PAK2: variants seen among roughly 807,000 people sequenced by gnomAD.
The protein encoded by PAK2 is p21 (RAC1) activated kinase 2.
PAK2 carries 21 observed loss-of-function variants against 65.9 expected under a neutral mutation model. The observed-to-expected ratio is 0.32, with a 90% CI of 0.23 to 0.46. The LOEUF is 0.46. Ranked by LOEUF, PAK2 falls within the 20% of genes least tolerant of loss-of-function variation. The pLI is 1.00. For synonymous variants in PAK2, 204 were observed against 219.7 expected, an observed-to-expected ratio of 0.93 and a Z score of 0.63; for missense variants, 324 against 642.6, an observed-to-expected ratio of 0.50 and a Z score of 5.36.
chr3:196,787,408 A>G lies in PAK2; in HGVS notation c.187+4575A>G, dbSNP rs1400438028. Among the ~76,000 whole-genome samples the G allele has an allele frequency of 2.0e-5, 3 of 151,834 alleles. No individual in the cohort carries two copies. The South Asian group carries it at 6.2e-4, about 32-fold the overall frequency. On this transcript the variant is annotated intron_variant, in intron 2 of 14. Coordinates refer to ENST00000327134, the MANE Select transcript of PAK2 (RefSeq NM_002577.4). The stretch of plus-strand genomic sequence containing the variant: ...ATCCTGGCTAACAAGGTGAAACGCC[A>G]TCTCTACTAAAAATACAAAAATTAG...
chr3:196,823,707 C>G (rs1711729237), intron 13 of PAK2, among the ~76,000 whole-genome samples: 1 of 149,814 alleles, frequency 6.7e-6, no homozygotes, highest in South Asian at 2.1e-4. Flanking sequence ...ACTAAAAATA[C>G]AAAAATGAGC....
At chr3:196,753,948 C>T (rs1200447584) in intron 1 of PAK2, among the ~76,000 whole-genome samples, 3 of 151,978 alleles carry the variant, frequency 2.0e-5, no homozygotes, top group Middle Eastern at 3.2e-3. Context: ...TGTTTCCTTC[C>T]TTGAAAACAC....
intron 10 of PAK2, among the ~76,000 whole-genome samples, chr3:196,814,048 C>T (rs760258115): frequency 3.9e-5 from 6 of 152,142 alleles, no homozygotes; most frequent in Admixed American, 1.3e-4. Flanking sequence ...AAGCCAGGGG[C>T]TTCGGAATCG....
chr3:196,752,801 G>A (rs1009118457), intron 1 of PAK2, among the ~76,000 whole-genome samples: 3 of 149,444 alleles, frequency 2.0e-5, no homozygotes, highest in Non-Finnish European at 4.5e-5. Context: ...GGGTTTTGTC[G>A]TGTTGGTCTC....
At chr3:196,743,668 T>G (rs544544812) in intron 1 of PAK2, among the ~76,000 whole-genome samples, 165 of 152,150 alleles carry the variant, frequency 1.1e-3, no homozygotes, top group African/African-American at 3.5e-3. Context: ...GCCAACATGG[T>G]GAAACCTATA....
intron 2 of PAK2, among the ~76,000 whole-genome samples, chr3:196,799,175 A>G (rs1228905410): frequency 6.6e-6 from 1 of 152,216 alleles, no homozygotes; most frequent in East Asian, 1.9e-4. Flanking sequence ...CAAAAATACT[A>G]GTGGAAGTAA....
chr3:196,789,606 G>A (rs1409014061), intron 2 of PAK2, among the ~76,000 whole-genome samples: 2 of 152,160 alleles, frequency 1.3e-5, no homozygotes, highest in East Asian at 3.9e-4. Flanking sequence ...GGGACTAGAG[G>A]TGCACGCCAC....
At chr3:196,811,599 G>C (rs1560114161) in intron 8 of PAK2, among the ~76,000 whole-genome samples, 1 of 151,304 alleles carries the variant, frequency 6.6e-6, no homozygotes, top group South Asian at 2.1e-4. Flanking sequence ...TTATGAAAGA[G>C]AATTGAAGAT....
At chr3:196,808,435 C>T (rs751607781) in intron 7 of PAK2, among the ~76,000 whole-genome samples, 1 of 151,474 alleles carries the variant, frequency 6.6e-6, no homozygotes, top group Non-Finnish European at 1.5e-5. Context: ...GTGGCATGTG[C>T]CTGTAGTACC....
intron 9 of PAK2, 37 bp from the exon 10 acceptor site, chr3:196,812,702 C>A: frequency 2.1e-6 from 2 of 948,944 alleles, no homozygotes; most frequent in East Asian, 2.5e-5. Context: ...AAGAGAATTC[C>A]TAAACCTGGT....
chr3:196,801,571 G>A (rs1038372840), intron 2 of PAK2, among the ~76,000 whole-genome samples: 1 of 151,932 alleles, frequency 6.6e-6, no homozygotes, highest in Admixed American at 6.6e-5. Context: ...CCGGGCATGC[G>A]GTGGCTCACA....
chr3:196,815,593 C>T (rs1417069761), intron 11 of PAK2, among the ~76,000 whole-genome samples: 7 of 151,940 alleles, frequency 4.6e-5, no homozygotes, highest in Non-Finnish European at 8.8e-5. Flanking sequence ...TTGAGACCAT[C>T]CTGACCAACA....
chr3:196,751,667 T>TATATGTATATATATATATATATA (rs1560089766), intron 1 of PAK2, among the ~76,000 whole-genome samples: 1 of 45,106 alleles, frequency 2.2e-5, no homozygotes, highest in African/African-American at 1.0e-4. Flanking sequence ...ACAAATTTAT[T>TATATGTATATATATATATATATA]TATATACATA....
chr3:196,778,303 A>T (rs1036612277), intron 1 of PAK2, among the ~76,000 whole-genome samples: 1 of 152,070 alleles, frequency 6.6e-6, no homozygotes, highest in Non-Finnish European at 1.5e-5. Context: ...GTTGATGGAT[A>T]TTTGGGTTGT....
intron 2 of PAK2, among the ~76,000 whole-genome samples, chr3:196,794,683 T>A (rs903660208): frequency 6.6e-6 from 1 of 152,160 alleles, no homozygotes; most frequent in Admixed American, 6.5e-5. Flanking sequence ...TTCCCAGCCT[T>A]GGAAACCCTG....
intron 3 of PAK2, 63 bp downstream of exon 3, chr3:196,802,090 A>G (rs1715438147): frequency 7.9e-6 from 7 of 889,106 alleles, no homozygotes; most frequent in Middle Eastern, 2.2e-4. Context: ...ATTTTCCTTC[A>G]TTATTAAATT....
At chr3:196,769,630 T>G (rs1475284783) in intron 1 of PAK2, among the ~76,000 whole-genome samples, 1 of 131,384 alleles carries the variant, frequency 7.6e-6, no homozygotes, top group Non-Finnish European at 1.6e-5. Context: ...GCTAACACGG[T>G]GAAACCCCGT....
intron 4 of PAK2, 54 bp from the exon 5 acceptor site, chr3:196,805,298 A>G: frequency 2.3e-6 from 2 of 887,362 alleles, no homozygotes; most frequent in Admixed American, 2.7e-5. Flanking sequence ...TCCTTTTATC[A>G]TATAAAAGTG....
At chr3:196,805,721 A>G (rs2108758893) in intron 5 of PAK2, among the ~76,000 whole-genome samples, 1 of 152,226 alleles carries the variant, frequency 6.6e-6, no homozygotes, top group South Asian at 2.1e-4. Flanking sequence ...ATTTTACTGA[A>G]TATAGACTGT....
Sources: gnomAD v4.1 joint callset for allele counts (sites outside exome capture counted in the v4.1 genomes callset) on GRCh38, gnomAD v4.1.1 for gene constraint, MANE v1.5 for transcripts, NCBI Gene and HGNC (gene_info 2026-07-23, HGNC 2026-07-21) for gene names.